Variants in RIMS1 observed in about 807,000 individuals in gnomAD.
RIMS1 encodes the protein regulating synaptic membrane exocytosis protein 1.
Under a neutral mutation model 214.1 loss-of-function variants are expected in RIMS1, and 83 were observed. That is an observed-to-expected ratio of 0.39 (90% CI 0.32 to 0.47). RIMS1 has a LOEUF of 0.47. Among genes scored for constraint, RIMS1 ranks in the 20% least tolerant of loss-of-function variants. The pLI is 0.99. For missense variants in RIMS1, 2,050 were observed against 2,161.8 expected, an observed-to-expected ratio of 0.95 and a Z score of 1.03; for synonymous variants, 793 against 786.8, an observed-to-expected ratio of 1.01 and a Z score of -0.13.
chr6:71,963,212 T>G (rs1349655000), intron 1 of RIMS1, among the ~76,000 whole-genome samples: 3 of 152,236 alleles, frequency 2.0e-5, no homozygotes, highest in African/African-American at 7.2e-5. Flanking sequence ...CCTGGAATGG[T>G]GGAAAGGACA....
rs902881286 is a variant in RIMS1 at position 72,229,691 on chromosome 6, C to T, written c.1679-4082C>T. 2.0e-5 allele frequency among the ~76,000 whole-genome samples: 3 copies of T among 151,868 alleles called. No individual in the cohort carries two copies. The East Asian group carries it at 5.8e-4, about 29-fold the overall frequency. On this transcript the variant is annotated intron_variant, in intron 6 of 33. Coordinates refer to ENST00000521978, the MANE Select transcript of RIMS1 (RefSeq NM_014989.7). ...AATAGACTTCTAAAATATGAAGAAACATTTCAAAATATATTTTCAGTATAT... is the reference window on the plus strand; with the variant it reads ...AATAGACTTCTAAAATATGAAGAAATATTTCAAAATATATTTTCAGTATAT...
intron 4 of RIMS1, among the ~76,000 whole-genome samples, chr6:72,125,530 G>A (rs2039330791): frequency 6.6e-6 from 1 of 152,206 alleles, no homozygotes; most frequent in African/African-American, 2.4e-5. Flanking sequence ...CTGTCAGACA[G>A]GGACGTTTAA....
At chr6:71,960,573 A>C (rs1410909139) in intron 1 of RIMS1, among the ~76,000 whole-genome samples, 2 of 152,190 alleles carry the variant, frequency 1.3e-5, no homozygotes, top group East Asian at 3.8e-4. Flanking sequence ...GGAACAAAAC[A>C]GGCTGAATCT....
chr6:71,946,119 A>G (rs1177025457), intron 1 of RIMS1, among the ~76,000 whole-genome samples: 1 of 152,234 alleles, frequency 6.6e-6, no homozygotes, highest in Non-Finnish European at 1.5e-5. Flanking sequence ...AAGAAGGTGA[A>G]AGATCTATAC....
At chr6:71,986,196 T>G (rs199630476) in intron 2 of RIMS1, among the ~76,000 whole-genome samples, 20,140 of 151,266 alleles carry the variant, frequency 0.13, 1,670 homozygotes, top group East Asian at 0.27. Flanking sequence ...TTTTGTTTTT[T>G]TTTTTTTTTT....
chr6:72,021,739 C>G (rs991472490), intron 2 of RIMS1, among the ~76,000 whole-genome samples: 1 of 152,148 alleles, frequency 6.6e-6, no homozygotes, highest in African/African-American at 2.4e-5. Flanking sequence ...GGCTTCTCTC[C>G]TGTCCTGTTA....
chr6:72,343,990 T>G (rs1324204081), intron 29 of RIMS1, among the ~76,000 whole-genome samples: 1 of 151,810 alleles, frequency 6.6e-6, no homozygotes, highest in African/African-American at 2.4e-5. Context: ...TCTAAAGGGA[T>G]AGTGCTTGAA....
rs537306832 is a variant in RIMS1, at chr6:71,929,165, C to T, written c.165-39818C>T. On this transcript the variant is annotated intron_variant, in intron 1 of 33. Transcript: ENST00000521978. ...CATTATTTAATTCATGTTTCTCTTC[C>T]CTGGTAGAGGGTACTCTCCATGAGA... Among the ~76,000 whole-genome samples the T allele has an allele frequency of 5.9e-5, 9 of 152,130 alleles. No homozygotes were observed. The South Asian group carries it at 1.7e-3, about 28-fold the overall frequency.
At chr6:72,133,942 T>C (rs751376994) in intron 4 of RIMS1, among the ~76,000 whole-genome samples, 14 of 152,118 alleles carry the variant, frequency 9.2e-5, no homozygotes, top group Non-Finnish European at 1.5e-4. Context: ...TTTAGGAAAA[T>C]GATTTCAACT....
At chr6:72,064,345 GA>G (rs1828722878) in intron 2 of RIMS1, among the ~76,000 whole-genome samples, 2 of 151,644 alleles carry the variant, frequency 1.3e-5, no homozygotes, top group Non-Finnish European at 2.9e-5. Flanking sequence ...GAGAGAGAGA[GA>G]GAGAGGGAAG....
At chr6:71,941,905 C>A (rs187844515) in intron 1 of RIMS1, among the ~76,000 whole-genome samples, 1 of 152,338 alleles carries the variant, frequency 6.6e-6, no homozygotes, top group African/African-American at 2.4e-5. Context: ...CCCATCAGTA[C>A]TCTTCTAATT....
intron 1 of RIMS1, among the ~76,000 whole-genome samples, chr6:71,935,373 C>T (rs1269586746): frequency 1.3e-5 from 2 of 152,078 alleles, no homozygotes; most frequent in African/African-American, 4.8e-5. Flanking sequence ...ACAATCTTAC[C>T]TGATTTAAGT....
intron 1 of RIMS1, among the ~76,000 whole-genome samples, chr6:71,954,871 C>CACACACA: frequency 6.8e-6 from 1 of 147,414 alleles, no homozygotes; most frequent in Middle Eastern, 3.5e-3. Flanking sequence ...CACACACACT[C>CACACACA]CACACACACA....
In RIMS1 at chr6:72,251,348, G is replaced by T. The variant is rs2073207496; in HGVS notation, c.2678G>T (p.Ser893Ile). Residue 893 changes from serine to isoleucine, a missense_variant, in exon 15 of 34, where the codon AGC (serine) becomes ATC (isoleucine). Physicochemically the swap from Ser to Ile is moderately radical, Grantham distance 142 (BLOSUM62 -2). Transcript: ENST00000521978. The stretch of plus-strand genomic sequence containing the variant: ...CCAAGGCGACATATTCATGGAGAAA[G>T]CTCTAGCAAAAAGCTACAAAGTAGG... ...FMPRRHIHGE[S>I]SSKKLQRSQR... 1.3e-6 allele frequency: 2 copies of T among 1,595,308 alleles called. No homozygotes were observed. The highest frequency in any genetic ancestry group is 1.3e-5 in the African/African-American group (1 of 74,572).
chr6:72,152,599 G>A (rs1469324079), intron 4 of RIMS1, among the ~76,000 whole-genome samples: 2 of 151,598 alleles, frequency 1.3e-5, no homozygotes, highest in African/African-American at 4.9e-5. Flanking sequence ...ATATGTGCTT[G>A]CATGTGTTTG....
At chr6:72,101,673 C>T (rs977163488) in intron 4 of RIMS1, among the ~76,000 whole-genome samples, 1 of 151,944 alleles carries the variant, frequency 6.6e-6, no homozygotes, top group African/African-American at 2.4e-5. Context: ...AATAATAATA[C>T]ATTCTACTTG....
In RIMS1 at chr6:72,205,284, A is replaced by G. The variant is rs1378101361; in HGVS notation, c.1678+22135A>G. ...TTAGATTTAAGAAAGAAATAAAGCA[A>G]CATCAATAACATCAATAATAATAGT... On this transcript the variant is annotated intron_variant, in intron 6 of 33. Coordinates refer to ENST00000521978, the MANE Select transcript of RIMS1 (RefSeq NM_014989.7). Among the ~76,000 whole-genome samples, 2 of 152,220 alleles carry G rather than the reference A, an allele frequency of 1.3e-5. 1 individual carries two copies. Among genetic ancestry groups the G allele is most frequent in the Non-Finnish European group, 2.9e-5 (2 of 68,012 alleles).
intron 2 of RIMS1, among the ~76,000 whole-genome samples, chr6:72,031,568 G>C (rs1218187400): frequency 6.6e-6 from 1 of 152,108 alleles, no homozygotes; most frequent in Non-Finnish European, 1.5e-5. Flanking sequence ...AAATCCGGGG[G>C]AAATAGTTGG....
chr6:72,141,947 G>T (rs1186693372), intron 4 of RIMS1, among the ~76,000 whole-genome samples: 1 of 151,804 alleles, frequency 6.6e-6, no homozygotes, highest in Non-Finnish European at 1.5e-5. Flanking sequence ...TAACATTTTT[G>T]TAATAAAAAT....
Sources: allele counts gnomAD v4.1 joint callset (sites outside exome capture counted in the v4.1 genomes callset), GRCh38; gene constraint gnomAD v4.1.1; transcripts MANE v1.5; gene names NCBI Gene and HGNC (gene_info 2026-07-23, HGNC 2026-07-21).